The following FRMD5 variants were observed in gnomAD, a reference collection of about 807,000 sequenced individuals.
FRMD5 encodes the protein FERM domain-containing protein 5.
In FRMD5, 20 loss-of-function variants were observed where a neutral mutation model predicts 69.0. The observed-to-expected ratio is 0.29, with a 90% CI of 0.20 to 0.42. FRMD5 has a LOEUF of 0.42. FRMD5 is among the 10% of genes least tolerant of loss of function. The probability of loss-of-function intolerance (pLI) is 1.00; values close to 1 mark genes in which losing one functional copy is unlikely to be tolerated. For synonymous variants in FRMD5, 271 were observed against 260.1 expected, an observed-to-expected ratio of 1.04 and a Z score of -0.40; for missense variants, 595 against 708.6, an observed-to-expected ratio of 0.84 and a Z score of 1.82.
At chr15:44,140,767 C>T (rs2077259036) in intron 1 of FRMD5, among the ~76,000 whole-genome samples, 1 of 150,172 alleles carries the variant, frequency 6.7e-6, no homozygotes, top group Non-Finnish European at 1.5e-5. Flanking sequence ...CCTGTGGTCC[C>T]AGCTACTCAA....
upstream of FRMD5, among the ~76,000 whole-genome samples, chr15:44,199,207 C>T (rs1428001475): frequency 6.6e-6 from 1 of 152,112 alleles, no homozygotes; most frequent in Non-Finnish European, 1.5e-5. Context: ...CCCAACACAG[C>T]TAAGACCAAG....
At chr15:44,079,018 T>C (rs1285956182) in intron 1 of FRMD5, among the ~76,000 whole-genome samples, 3 of 152,076 alleles carry the variant, frequency 2.0e-5, no homozygotes, top group Admixed American at 6.6e-5. Flanking sequence ...GCAAATCACA[T>C]ATCTAATAAG....
intron 1 of FRMD5, among the ~76,000 whole-genome samples, chr15:44,159,985 G>A (rs1412374533): frequency 1.3e-5 from 2 of 152,040 alleles, no homozygotes; most frequent in Non-Finnish European, 2.9e-5. Flanking sequence ...TATCATCAAG[G>A]GTGAGCCAAA....
At chr15:43,983,595 G>A (rs1259305897) in intron 1 of FRMD5, among the ~76,000 whole-genome samples, 1 of 152,166 alleles carries the variant, frequency 6.6e-6, no homozygotes, top group Non-Finnish European at 1.5e-5. Context: ...ATGCTTTTAT[G>A]CACAATATGA....
chr15:43,984,417 G>C (rs1889285919), intron 1 of FRMD5, among the ~76,000 whole-genome samples: 1 of 152,200 alleles, frequency 6.6e-6, no homozygotes, highest in East Asian at 1.9e-4. Flanking sequence ...TTAGGCACCA[G>C]TGGGCAGGCA....
chr15:44,050,538 T>G (rs1892616674), intron 1 of FRMD5, among the ~76,000 whole-genome samples: 3 of 142,442 alleles, frequency 2.1e-5, no homozygotes, highest in African/African-American at 8.8e-5. Context: ...CTTTTTTTTT[T>G]TTTTTTTTTT....
rs148547582 is a variant in FRMD5, at chr15:44,064,708, T to C, written c.102+130245A>G. On this transcript the variant is annotated intron_variant, in intron 1 of 13. Transcript: ENST00000417257. ...TCAGAAAGCACACTGTAGTCTTATA[T>C]TACCTCCATTTCAAATCCAACTTTC... 3.9e-5 allele frequency among the ~76,000 whole-genome samples: 6 copies of C among 152,318 alleles called. No homozygotes were observed. In the East Asian group the frequency reaches 1.2e-3, roughly 29 times the overall value.
At chr15:44,113,662 A>G (rs1259613833) in intron 1 of FRMD5, among the ~76,000 whole-genome samples, 1 of 152,024 alleles carries the variant, frequency 6.6e-6, no homozygotes, top group Non-Finnish European at 1.5e-5. Flanking sequence ...CATTCTTTCT[A>G]ACAACTTTTT....
intron 1 of FRMD5, among the ~76,000 whole-genome samples, chr15:44,158,599 A>G (rs2077563136): frequency 6.6e-6 from 1 of 152,204 alleles, no homozygotes; most frequent in Non-Finnish European, 1.5e-5. Context: ...TAAAATTATA[A>G]ACATAGAAGA....
intron 1 of FRMD5, among the ~76,000 whole-genome samples, chr15:43,990,546 T>C (rs1348257094): frequency 6.6e-6 from 1 of 152,250 alleles, no homozygotes; most frequent in African/African-American, 2.4e-5. Flanking sequence ...TTCTCATTGA[T>C]TATTAAGATC....
In FRMD5 at chr15:44,171,495, A is replaced by G. The variant is rs116694983; in HGVS notation, c.102+23458T>C. Among the ~76,000 whole-genome samples the G allele has an allele frequency of 1.9e-3, 294 of 152,344 alleles. 1 individual carries two copies. Among genetic ancestry groups the G allele is most frequent in the African/African-American group, 6.9e-3 (285 of 41,578 alleles). ...GGGTTTTGTTTTTAATATACGTTGA[A>G]GTATATAATAATACACACTGAGAAT... On this transcript the variant is annotated intron_variant, in intron 1 of 13. Transcript: ENST00000417257.
chr15:43,987,911 G>A (rs1424572954), intron 1 of FRMD5, among the ~76,000 whole-genome samples: 1 of 152,140 alleles, frequency 6.6e-6, no homozygotes, highest in African/African-American at 2.4e-5. Flanking sequence ...TAGAATCAGT[G>A]GGAGCCCTGA....
At position 44,027,275 on chromosome 15, in the gene FRMD5, C is replaced by T. The variant is rs536034785; in HGVS notation, c.103-102966G>A. On this transcript the variant is annotated intron_variant, in intron 1 of 13. Transcript: ENST00000417257. The stretch of plus-strand genomic sequence containing the variant: ...GTATGCATAGCATTTATTTCCATAA[C>T]GATGGTCACTTCTTTCTCCAGAGCA... Among the ~76,000 whole-genome samples the T allele has an allele frequency of 2.6e-5, 4 of 152,122 alleles. No homozygotes were observed. In the South Asian group the frequency reaches 8.3e-4, roughly 32 times the overall value.
intron 1 of FRMD5, among the ~76,000 whole-genome samples, chr15:44,015,855 T>C (rs1890934422): frequency 6.6e-6 from 1 of 152,236 alleles, no homozygotes; most frequent in South Asian, 2.1e-4. Flanking sequence ...TGTCGTTTTT[T>C]CCTTTACTGC....
chr15:43,932,958 T>C (rs1178885255), intron 1 of FRMD5, among the ~76,000 whole-genome samples: 2 of 152,208 alleles, frequency 1.3e-5, no homozygotes, highest in East Asian at 1.9e-4. Flanking sequence ...TGAAAGCCCC[T>C]TGTCACAGCA....
At chr15:44,132,457 C>T (rs1197351518) in intron 1 of FRMD5, among the ~76,000 whole-genome samples, 1 of 152,204 alleles carries the variant, frequency 6.6e-6, no homozygotes, top group Non-Finnish European at 1.5e-5. Context: ...GAGAAAGAAA[C>T]TCACTCTGTC....
chr15:43,893,557 T>C (rs2088845331), intron 7 of FRMD5, among the ~76,000 whole-genome samples: 1 of 152,130 alleles, frequency 6.6e-6, no homozygotes, highest in South Asian at 2.1e-4. Flanking sequence ...TGAATGGTGA[T>C]GGAGAGGGTG....
upstream of FRMD5, among the ~76,000 whole-genome samples, chr15:44,197,094 G>A (rs2078315756): frequency 6.6e-6 from 1 of 152,046 alleles, no homozygotes; most frequent in Non-Finnish European, 1.5e-5. Context: ...CCAGCTACTG[G>A]GGAGGCTGAG....
chr15:43,923,555 G>A (rs1017015918), intron 2 of FRMD5, among the ~76,000 whole-genome samples: 9 of 152,206 alleles, frequency 5.9e-5, no homozygotes, highest in African/African-American at 2.2e-4. Context: ...AAAGAAAGAA[G>A]GTATGATGTA....
Sources: gnomAD v4.1 joint callset for allele counts (sites outside exome capture counted in the v4.1 genomes callset) on GRCh38, gnomAD v4.1.1 for gene constraint, MANE v1.5 for transcripts, NCBI Gene and HGNC (gene_info 2026-07-23, HGNC 2026-07-21) for gene names.